The following DLC1 variants were observed in gnomAD, a reference collection of about 807,000 sequenced individuals.
DLC1 encodes the protein DLC1 Rho GTPase activating protein.
Under a neutral mutation model 140.3 loss-of-function variants are expected in DLC1, and 54 were observed. The observed-to-expected ratio is 0.38, with a 90% CI of 0.31 to 0.48. The LOEUF is 0.48. Ranked by LOEUF, DLC1 falls within the 20% of genes least tolerant of loss-of-function variation. The pLI is 0.96. For synonymous variants in DLC1, 986 were observed against 728.1 expected (o/e 1.35, Z -5.70); for missense variants, 2,536 against 1,907.0 (o/e 1.33, Z -6.14).
chr8:13,520,001 A>G (rs1282380441), intron 1 of DLC1, among the ~76,000 whole-genome samples: 1 of 152,234 alleles, frequency 6.6e-6, no homozygotes, highest in Admixed American at 6.5e-5. Flanking sequence ...GTGGAGAAAT[A>G]GGAACACTTT....
At chr8:13,296,645 T>C (rs1017340579) in intron 5 of DLC1, among the ~76,000 whole-genome samples, 2 of 152,248 alleles carry the variant, frequency 1.3e-5, no homozygotes, top group African/African-American at 2.4e-5. Context: ...TCAAAACTAT[T>C]TCTTGAGCAC....
At chr8:13,382,529 A>AATAAAG (rs59311489) in intron 4 of DLC1, among the ~76,000 whole-genome samples, 1 of 109,454 alleles carries the variant, frequency 9.1e-6, no homozygotes, top group Non-Finnish European at 1.8e-5. Flanking sequence ...AAAAAAAAAA[A>AATAAAG]AAAGAAAGAG....
intron 5 of DLC1, among the ~76,000 whole-genome samples, chr8:13,282,645 C>G (rs1449495625): frequency 6.6e-6 from 1 of 151,854 alleles, no homozygotes; most frequent in Non-Finnish European, 1.5e-5. Context: ...TTAATTCTTT[C>G]TTTTATCCTT....
chr8:13,445,158 GAGAA>G (rs1798720698), intron 2 of DLC1, among the ~76,000 whole-genome samples: 1 of 151,958 alleles, frequency 6.6e-6, no homozygotes, highest in Non-Finnish European at 1.5e-5. Flanking sequence ...GGAAGGGAGA[GAGAA>G]AGAGAAAAAG....
intron 2 of DLC1, among the ~76,000 whole-genome samples, chr8:13,440,585 G>A (rs1798462001): frequency 6.6e-6 from 1 of 151,598 alleles, no homozygotes; most frequent in Admixed American, 6.6e-5. Context: ...ATGTAACATA[G>A]GAATATTTCA....
chr8:13,489,681 A>G (rs1180027615), intron 2 of DLC1, among the ~76,000 whole-genome samples: 5 of 152,172 alleles, frequency 3.3e-5, no homozygotes, highest in African/African-American at 7.2e-5. Flanking sequence ...GTTTGGCTTC[A>G]GAGGCTGTTG....
At chr8:13,453,422 A>ATATTTTTTTTT (rs1554523043) in intron 2 of DLC1, among the ~76,000 whole-genome samples, 2 of 32,572 alleles carry the variant, frequency 6.1e-5, no homozygotes, top group African/African-American at 3.2e-4. Flanking sequence ...ATATATATAT[A>ATATTTTTTTTT]TGTGTATATA....
intron 2 of DLC1, among the ~76,000 whole-genome samples, chr8:13,484,010 G>A (rs1800855754): frequency 6.6e-6 from 1 of 152,136 alleles, no homozygotes; most frequent in African/African-American, 2.4e-5. Context: ...AACCTGGGAG[G>A]CAGAGGTTGC....
Position 13,537,945 on chromosome 8 carries a change from C to T in DLC1, c.-125-37749G>A, listed in dbSNP as rs570650309. Among the ~76,000 whole-genome samples, 6 of 152,192 alleles carry T rather than the reference C, an allele frequency of 3.9e-5. No individual in the cohort carries two copies. In the East Asian group the frequency reaches 1.2e-3, roughly 29 times the overall value. On this transcript the variant is annotated intron_variant, in intron 1 of 1. Transcript: ENST00000631382. ...CTGGGATTACAGGCGTGAGCCACCGCACCCGGCCAGCAACAGCTAACTCTT... is the reference window on the plus strand; with the variant it reads ...CTGGGATTACAGGCGTGAGCCACCGTACCCGGCCAGCAACAGCTAACTCTT...
At position 13,549,350 on chromosome 8, in the gene DLC1, C is replaced by G. The variant is rs180890455; in HGVS notation, c.-125-49154G>C. On this transcript the variant is annotated intron_variant, in intron 1 of 1. Transcript: ENST00000631382. ...TATTTTCTTTAGGAGCTCATTATCC[C>G]AAGGAAAACTACAAGCTGTATTAGA... 3.3e-5 allele frequency among the ~76,000 whole-genome samples: 5 copies of G among 152,092 alleles called. No homozygotes were observed. In the East Asian group the frequency reaches 9.7e-4, roughly 29 times the overall value.
intron 5 of DLC1, among the ~76,000 whole-genome samples, chr8:13,150,929 T>G (rs1439951042): frequency 6.6e-6 from 1 of 152,190 alleles, no homozygotes; most frequent in Non-Finnish European, 1.5e-5. Flanking sequence ...TTTAAAGAAA[T>G]ACAACTTGCT....
intron 7 of DLC1, among the ~76,000 whole-genome samples, chr8:13,104,148 C>T (rs756544436): frequency 2.9e-4 from 44 of 152,098 alleles, no homozygotes; most frequent in Non-Finnish European, 4.7e-4. Flanking sequence ...GCTATAGTCA[C>T]GGCAAATGAT....
intron 5 of DLC1, among the ~76,000 whole-genome samples, chr8:13,149,000 G>C (rs1177913471): frequency 6.6e-6 from 1 of 152,086 alleles, no homozygotes; most frequent in Non-Finnish European, 1.5e-5. Flanking sequence ...CTCCGTGTTA[G>C]CCAGGACGGT....
At position 13,468,970 on chromosome 8, in the gene DLC1, G is replaced by A. The variant is rs139892697; in HGVS notation, c.1023+30079C>T. ...CGAATAGCTGGGACTGCAGGCATGC[G>A]CCATCACGCTCAGCTAATTTTTGTA... On this transcript the variant is annotated intron_variant, in intron 2 of 17. Coordinates refer to ENST00000276297, the MANE Select transcript of DLC1 (RefSeq NM_182643.3). 4.4e-4 allele frequency among the ~76,000 whole-genome samples: 67 copies of A among 151,936 alleles called. 1 individual carries two copies. In the East Asian group the frequency reaches 0.01, roughly 23 times the overall value.
chr8:13,181,710 C>T (rs1256049089), intron 5 of DLC1, among the ~76,000 whole-genome samples: 1 of 151,232 alleles, frequency 6.6e-6, no homozygotes, highest in East Asian at 2.0e-4. Flanking sequence ...TATATATGTG[C>T]CACATTTTCT....
intron 5 of DLC1, among the ~76,000 whole-genome samples, chr8:13,145,519 A>G (rs1218197683): frequency 6.6e-6 from 1 of 152,198 alleles, no homozygotes; most frequent in Non-Finnish European, 1.5e-5. Context: ...TAGCAATTCT[A>G]CTCTAAGGGA....
At chr8:13,145,499 T>C (rs1585763380) in intron 5 of DLC1, among the ~76,000 whole-genome samples, 1 of 152,232 alleles carries the variant, frequency 6.6e-6, no homozygotes, top group African/African-American at 2.4e-5. Flanking sequence ...ACACTAATTA[T>C]GCTATGATCT....
chr8:13,514,922 T>G (rs1802534447), upstream of DLC1: 1 of 320,232 alleles, frequency 3.1e-6, no homozygotes, highest in East Asian at 4.8e-5. Flanking sequence ...CTCTGAGGAG[T>G]GTGCATGCTA....
At chr8:13,479,721 C>G (rs76660447) in intron 2 of DLC1, among the ~76,000 whole-genome samples, 1 of 32,348 alleles carries the variant, frequency 3.1e-5, no homozygotes, top group Non-Finnish European at 1.3e-4. Context: ...AGGAGGATTG[C>G]TTGAGACTTG....
Sources: allele counts gnomAD v4.1 joint callset (sites outside exome capture counted in the v4.1 genomes callset), GRCh38; gene constraint gnomAD v4.1.1; transcripts MANE v1.5; gene names NCBI Gene and HGNC (gene_info 2026-07-23, HGNC 2026-07-21).